Variants in PTPRC observed in about 807,000 individuals in gnomAD.
PTPRC encodes the protein protein tyrosine phosphatase receptor type C.
In PTPRC, 44 loss-of-function variants were observed where a neutral mutation model predicts 155.9. That is an observed-to-expected ratio of 0.28 (90% CI 0.22 to 0.36). The LOEUF (loss-of-function observed/expected upper bound fraction) is 0.36. Ranked by LOEUF, PTPRC falls within the 10% of genes least tolerant of loss-of-function variation. PTPRC has a pLI of 1.00. For synonymous variants in PTPRC, 525 were observed against 533.1 expected, an observed-to-expected ratio of 0.98 and a Z score of 0.21; for missense variants, 1,401 against 1,564.6, an observed-to-expected ratio of 0.90 and a Z score of 1.76.
intron 2 of PTPRC, among the ~76,000 whole-genome samples, chr1:198,648,878 A>G (rs1398326477): frequency 6.6e-6 from 1 of 151,842 alleles, no homozygotes; most frequent in Non-Finnish European, 1.5e-5. Context: ...GATATTACAT[A>G]AAGTGAAAAA....
chr1:198,677,850 A>T (rs1324293549), intron 2 of PTPRC, among the ~76,000 whole-genome samples: 1 of 152,164 alleles, frequency 6.6e-6, no homozygotes. Context: ...ATATCATTTA[A>T]CCTGTACAAG....
intron 3 of PTPRC, among the ~76,000 whole-genome samples, chr1:198,695,962 C>A (rs1317109195): frequency 6.6e-6 from 1 of 151,954 alleles, no homozygotes; most frequent in Non-Finnish European, 1.5e-5. Context: ...GAGATCGAGA[C>A]CATCCTGGCC....
Position 198,690,845 on chromosome 1 carries a change from A to G in PTPRC, c.74-1502A>G, listed in dbSNP as rs189180075. On this transcript the variant is annotated intron_variant, in intron 2 of 32. Coordinates refer to ENST00000442510, the MANE Select transcript of PTPRC (RefSeq NM_002838.5). ...GGCATTTACTAAGATGAGGGATGAA[A>G]ACATTGCACTTCACTGTAGACTGAA... Among the ~76,000 whole-genome samples, 62 of 152,220 alleles carry G rather than the reference A, an allele frequency of 4.1e-4. 1 individual carries two copies. Among genetic ancestry groups the G allele is most frequent in the African/African-American group, 1.4e-3 (58 of 41,572 alleles).
chr1:198,754,445 T>G, intron 32 of PTPRC, 41 bp downstream of exon 32: 3 of 1,608,788 alleles, frequency 1.9e-6, no homozygotes, highest in Non-Finnish European at 2.5e-6. Flanking sequence ...GCTCGGAATT[T>G]TTTTTTTCTT....
At chr1:198,655,335 G>A (rs1287320794) in intron 2 of PTPRC, among the ~76,000 whole-genome samples, 1 of 151,948 alleles carries the variant, frequency 6.6e-6, no homozygotes, top group Non-Finnish European at 1.5e-5. Context: ...AGAGAAGCAA[G>A]AGACCTTAGA....
intron 23 of PTPRC, among the ~76,000 whole-genome samples, chr1:198,740,373 T>C (rs1471945192): frequency 6.6e-6 from 1 of 150,740 alleles, no homozygotes; most frequent in East Asian, 2.0e-4. Flanking sequence ...AGGTCAGGAG[T>C]TTGAGACCAG....
chr1:198,738,155 T>G (rs186540138), intron 23 of PTPRC, among the ~76,000 whole-genome samples: 1 of 151,930 alleles, frequency 6.6e-6, no homozygotes, highest in Non-Finnish European at 1.5e-5. Context: ...TGTTTCTTTC[T>G]CTTGTCTGAT....
At position 198,722,473 on chromosome 1, in the gene PTPRC, T is replaced by A; in HGVS notation, c.1717T>A (p.Ser573Thr). 6.9e-7 allele frequency: 1 copy of A among 1,455,668 alleles called. No homozygotes were observed. Among genetic ancestry groups the A allele is most frequent in the Non-Finnish European group, 9.1e-7 (1 of 1,093,442 alleles). 90.2% of individuals were successfully genotyped at this position (1,455,668 alleles called of 1,614,324 possible). Residue 573 changes from serine to threonine, a missense_variant, in exon 15 of 33, where the codon TCT (serine) becomes ACT (threonine). By Grantham distance (58) the Ser-to-Thr change is moderately conservative. Around this residue, in one of 3 missense-constraint regions of PTPRC, gnomAD observed 867 missense variants for 970.4 expected, o/e 0.89. Coordinates refer to ENST00000442510, the MANE Select transcript of PTPRC (RefSeq NM_002838.5). ...ACCCTTTATTTTACATCATTCAACA[T>A]CTTGTAAGTTATCACTGGGCTATTT... ...GEPFILHHST[S>T]YNSKALIAFL...
chr1:198,747,891 T>G (rs968912915), intron 26 of PTPRC, among the ~76,000 whole-genome samples: 8 of 151,888 alleles, frequency 5.3e-5, no homozygotes, highest in African/African-American at 1.9e-4. Flanking sequence ...CTGTTACATA[T>G]ATATCTTTAG....
At chr1:198,685,705 T>C (rs759553327) in intron 2 of PTPRC, among the ~76,000 whole-genome samples, 12 of 152,062 alleles carry the variant, frequency 7.9e-5, no homozygotes, top group Non-Finnish European at 1.5e-4. Flanking sequence ...GCCATACATA[T>C]CTGTTTTAGC....
chr1:198,687,736 A>C (rs1665711057), intron 2 of PTPRC, among the ~76,000 whole-genome samples: 1 of 152,132 alleles, frequency 6.6e-6, no homozygotes, highest in Non-Finnish European at 1.5e-5. Flanking sequence ...AAGACTGAAA[A>C]ATAGATTTAT....
chr1:198,670,283 T>C (rs1664568915), intron 2 of PTPRC, among the ~76,000 whole-genome samples: 1 of 152,126 alleles, frequency 6.6e-6, no homozygotes, highest in African/African-American at 2.4e-5. Context: ...TGATGAAATA[T>C]TTATAATTAT....
At chr1:198,650,760 A>G (rs898107937) in intron 2 of PTPRC, among the ~76,000 whole-genome samples, 45 of 151,806 alleles carry the variant, frequency 3.0e-4, no homozygotes, top group African/African-American at 9.7e-4. Flanking sequence ...TGTAGAGAGT[A>G]GCAGATGACT....
rs1420458667 is a variant in PTPRC, at chr1:198,660,798, A to G, written c.73+21457A>G. On this transcript the variant is annotated intron_variant, in intron 2 of 32. Coordinates refer to ENST00000442510, the MANE Select transcript of PTPRC (RefSeq NM_002838.5). ...CATTAGATAATCTACCACCAACACAATGATCCAAAAATGCATTATATTCTT... is the reference window on the plus strand; with the variant it reads ...CATTAGATAATCTACCACCAACACAGTGATCCAAAAATGCATTATATTCTT... The G allele has an allele frequency of 2.0e-5, 3 of 152,108 alleles. No homozygotes were observed. In the East Asian group the frequency reaches 5.8e-4, roughly 29 times the overall value. 9.4% of individuals were successfully genotyped at this position (152,108 alleles called of 1,614,324 possible).
intron 5 of PTPRC, among the ~76,000 whole-genome samples, chr1:198,701,712 G>C (rs1447977903): frequency 6.6e-6 from 1 of 152,192 alleles, no homozygotes; most frequent in Non-Finnish European, 1.5e-5. Flanking sequence ...AAAAATAAGA[G>C]AATGATGCCA....
rs192411825 is a variant in PTPRC, at chr1:198,731,513, G to C, written c.1865-104G>C. On this transcript the variant is annotated intron_variant, in intron 17 of 32. Transcript: ENST00000442510. ...TTCTCAGATGAAATGTGTACGAGGA[G>C]GAAAGAAGCTAAAGGATTGAGTACA... is the stretch of plus-strand genomic sequence containing the variant. 4.3e-5 allele frequency: 36 copies of C among 833,904 alleles called. No individual in the cohort carries two copies. The African/African-American group carries it at 4.7e-4, about 11-fold the overall frequency. The allele number at this position is 833,904 out of a possible 1,614,324, so 51.7% of individuals were successfully genotyped here. A position where few individuals can be genotyped will look rare whatever the true frequency, so the allele number is the denominator to read the frequency against.
chr1:198,652,373 G>A (rs1456406554), intron 2 of PTPRC, among the ~76,000 whole-genome samples: 1 of 151,824 alleles, frequency 6.6e-6, no homozygotes, highest in Non-Finnish European at 1.5e-5. Flanking sequence ...TGTGTGAGAA[G>A]CAGATAATCG....
At chr1:198,642,892 T>TTTCTTTCTTCC (rs773742114) in intron 2 of PTPRC, among the ~76,000 whole-genome samples, 1 of 119,096 alleles carries the variant, frequency 8.4e-6, no homozygotes, top group African/African-American at 3.1e-5. Flanking sequence ...ATCTTTTTTC[T>TTTCTTTCTTCC]TTTCTTTCTT....
intron 14 of PTPRC, among the ~76,000 whole-genome samples, chr1:198,720,779 G>A (rs1653848800): frequency 6.6e-6 from 1 of 152,070 alleles, no homozygotes. Context: ...TTGAGTGAGT[G>A]TGCTATATAT....
Sources: gnomAD v4.1 joint callset for allele counts (sites outside exome capture counted in the v4.1 genomes callset) on GRCh38, gnomAD v4.1.1 for gene constraint, gnomAD v4.1.1 regional missense constraint, MANE v1.5 for transcripts, NCBI Gene and HGNC (gene_info 2026-07-23, HGNC 2026-07-21) for gene names.